The following PRKAR1B variants were observed in gnomAD, a reference collection of about 807,000 sequenced individuals.
The protein encoded by PRKAR1B is protein kinase cAMP-dependent type I regulatory subunit beta.
A neutral mutation model predicts 46.5 loss-of-function variants in PRKAR1B; 22 were observed. That is an observed-to-expected ratio of 0.47 (90% CI 0.34 to 0.68). The LOEUF is 0.68. Ranked by LOEUF, PRKAR1B falls within the 30% of genes least tolerant of loss-of-function variation. The pLI, the probability that PRKAR1B is intolerant of heterozygous loss-of-function variation, is 0.01. For synonymous variants in PRKAR1B, 259 were observed against 217.7 expected (o/e 1.19, Z -1.67); for missense variants, 445 against 535.6 (o/e 0.83, Z 1.67).
At chr7:592,186 GCTC>G (rs979212309) in intron 7 of PRKAR1B, among the ~76,000 whole-genome samples, 23 of 152,192 alleles carry the variant, frequency 1.5e-4, no homozygotes, top group African/African-American at 5.5e-4. Context: ...CTGCCTCAGA[GCTC>G]CTGAGCCCAC....
In PRKAR1B at chr7:666,604, A is replaced by G. The variant is rs543372329; in HGVS notation, c.440+10625T>C. 1.8e-4 allele frequency among the ~76,000 whole-genome samples: 27 copies of G among 152,296 alleles called. 1 individual carries two copies. Among genetic ancestry groups the G allele is most frequent in the African/African-American group, 6.5e-4 (27 of 41,580 alleles). On this transcript the variant is annotated intron_variant, in intron 4 of 10. Coordinates refer to ENST00000537384, the MANE Select transcript of PRKAR1B (RefSeq NM_001164760.2). This position sits in a 1 kb window ranked among gnomAD's most constrained non-coding sequence, Gnocchi z 4.9. ...GACAATTGCTGTGTGGGTCAGTGCA[A>G]CAGGCCAAGGCCCCCTCTCACTGGG...
intron 1 of PRKAR1B, among the ~76,000 whole-genome samples, chr7:711,761 G>A (rs1325655360): frequency 6.6e-6 from 1 of 152,172 alleles, no homozygotes; most frequent in Non-Finnish European, 1.5e-5. Context: ...TCAGGCAGGG[G>A]GGGAGGGGGC....
intron 3 of PRKAR1B, among the ~76,000 whole-genome samples, chr7:680,090 G>A (rs536064442): frequency 3.3e-5 from 5 of 151,634 alleles, no homozygotes; most frequent in South Asian, 4.2e-4. Flanking sequence ...CCTGGGAGGC[G>A]GAGCTTGCAG....
chr7:644,467 C>T lies in PRKAR1B; in HGVS notation c.440+32762G>A, dbSNP rs545434985. On this transcript the variant is annotated intron_variant, in intron 4 of 10. Transcript: ENST00000537384. This position sits in a 1 kb window ranked among gnomAD's most constrained non-coding sequence, Gnocchi z 4.9. ...CCTCTCTGCCTGCAGGCTCTTGCAT[C>T]AGGAGGGAAGCCCCACTCGGACGCC... Among the ~76,000 whole-genome samples, 1 of 152,244 alleles carries T rather than the reference C, an allele frequency of 6.6e-6. No individual in the cohort carries two copies. The highest frequency in any genetic ancestry group is 2.1e-4 in the South Asian group (1 of 4,824).
intron 6 of PRKAR1B, among the ~76,000 whole-genome samples, chr7:600,799 G>A (rs1781545658): frequency 6.6e-6 from 1 of 152,218 alleles, no homozygotes; most frequent in African/African-American, 2.4e-5. Flanking sequence ...TTGGAAGGGA[G>A]CTACGTTCCC....
At chr7:550,913 A>G (rs1030305206) in intron 10 of PRKAR1B, among the ~76,000 whole-genome samples, 1 of 151,672 alleles carries the variant, frequency 6.6e-6, no homozygotes, top group African/African-American at 2.4e-5. Context: ...AGCTGCAGGA[A>G]TGCCCAGGTG....
rs146165003 is a variant in PRKAR1B at position 610,613 on chromosome 7, G to A, written c.441-3161C>T. The stretch of plus-strand genomic sequence containing the variant: ...CGCCGACAAAGGCCTGAACACAAAC[G>A]TCTCCAGGCAACAGCCCCGAGGTGA... On this transcript the variant is annotated intron_variant, in intron 4 of 10. Transcript: ENST00000537384. Among the ~76,000 whole-genome samples the A allele has an allele frequency of 7.1e-4, 108 of 152,288 alleles. 1 individual carries two copies. The highest frequency in any genetic ancestry group is 1.3e-3 in the Non-Finnish European group (86 of 68,024).
At chr7:716,638 A>T (rs1780893462) in intron 1 of PRKAR1B, 1 of 152,166 alleles carries the variant, frequency 6.6e-6, no homozygotes, top group Admixed American at 6.5e-5. Flanking sequence ...CTTATTCTTT[A>T]TTCACTCTGC....
At chr7:697,794 C>A (rs570873458) in intron 2 of PRKAR1B, among the ~76,000 whole-genome samples, 2 of 150,592 alleles carry the variant, frequency 1.3e-5, no homozygotes, top group African/African-American at 4.9e-5. Flanking sequence ...GGAAGAGAAA[C>A]GCAGGTCTTC....
chr7:631,966 AGC>A (rs1783772822), intron 4 of PRKAR1B, among the ~76,000 whole-genome samples: 1 of 151,212 alleles, frequency 6.6e-6, no homozygotes, highest in Non-Finnish European at 1.5e-5. Context: ...CAAAAAAAAA[AGC>A]AGCGGGAGGA....
upstream of PRKAR1B, chr7:727,495 C>T: frequency 3.2e-6 from 1 of 313,470 alleles, no homozygotes; most frequent in Non-Finnish European, 5.6e-6. Context: ...AGCACCCCGC[C>T]CGGCCCCCTC....
intron 4 of PRKAR1B, among the ~76,000 whole-genome samples, chr7:639,971 T>G (rs984304709): frequency 6.6e-6 from 1 of 151,794 alleles, no homozygotes; most frequent in Non-Finnish European, 1.5e-5. Context: ...GAGACCAGCC[T>G]GGCCAACATG....
chr7:554,099 G>C (rs1778254356), intron 9 of PRKAR1B, among the ~76,000 whole-genome samples: 2 of 152,276 alleles, frequency 1.3e-5, no homozygotes, highest in African/African-American at 2.4e-5. Flanking sequence ...GCTCAGGCCA[G>C]ACCCGGGCAC....
At chr7:649,348 C>T (rs761369239) in intron 4 of PRKAR1B, among the ~76,000 whole-genome samples, 7 of 152,106 alleles carry the variant, frequency 4.6e-5, no homozygotes, top group Admixed American at 6.6e-5. Flanking sequence ...TTGTAAAAGA[C>T]GCGTTGAATG....
rs181066818 is a variant in PRKAR1B at position 557,196 on chromosome 7, G to A, written c.892-5726C>T. Among the ~76,000 whole-genome samples the A allele has an allele frequency of 2.5e-4, 38 of 152,334 alleles. 1 individual carries two copies. In the East Asian group the frequency reaches 7.4e-3, roughly 29 times the overall value. ...CTCCACCAGGATCAGCAGCCAAGGA[G>A]GGAAAGAGGCAGGACCCTCAGAGCC... On this transcript the variant is annotated intron_variant, in intron 9 of 10. Coordinates refer to ENST00000537384, the MANE Select transcript of PRKAR1B (RefSeq NM_001164760.2).
At chr7:721,805 C>T (rs748745086) in intron 1 of PRKAR1B, among the ~76,000 whole-genome samples, 3 of 152,222 alleles carry the variant, frequency 2.0e-5, no homozygotes, top group Non-Finnish European at 2.9e-5. Flanking sequence ...AGAGGACTCA[C>T]AGTCAACAGC....
intron 4 of PRKAR1B, among the ~76,000 whole-genome samples, chr7:617,893 A>C (rs536251297): frequency 3.7e-4 from 56 of 152,282 alleles, no homozygotes; most frequent in Non-Finnish European, 7.2e-4. Context: ...GGGAAAGCCT[A>C]GACACCCCGC....
chr7:683,801 G>C (rs1041026964), intron 2 of PRKAR1B, among the ~76,000 whole-genome samples: 2 of 152,212 alleles, frequency 1.3e-5, no homozygotes, highest in African/African-American at 4.8e-5. Context: ...CTGGAGAGCT[G>C]CTTGTTGCTC....
chr7:707,551 T>TAACCTCAG (rs113213510), intron 2 of PRKAR1B, among the ~76,000 whole-genome samples: 4 of 151,788 alleles, frequency 2.6e-5, no homozygotes, highest in Middle Eastern at 3.4e-3. Context: ...TCTGGAGTCC[T>TAACCTCAG]AACCTCAGAA....
Sources: gnomAD v4.1 joint callset for allele counts (sites outside exome capture counted in the v4.1 genomes callset) on GRCh38, gnomAD v4.1.1 for gene constraint, Gnocchi (gnomAD v3.1) non-coding constraint, MANE v1.5 for transcripts, NCBI Gene and HGNC (gene_info 2026-07-23, HGNC 2026-07-21) for gene names.